Variants in ARHGAP42 observed in about 807,000 individuals in gnomAD.
ARHGAP42 encodes rho GTPase-activating protein 42.
Under a neutral mutation model 125.0 loss-of-function variants are expected in ARHGAP42, and 63 were observed. The observed-to-expected ratio is 0.50, with a 90% CI of 0.41 to 0.62. The LOEUF (loss-of-function observed/expected upper bound fraction) is 0.62, where lower values mean the gene tolerates loss of function less well. Ranked by LOEUF, ARHGAP42 falls within the 20% of genes least tolerant of loss-of-function variation. The pLI is 0.00. For missense variants in ARHGAP42, 766 were observed against 1,024.2 expected (o/e 0.75, Z 3.44); for synonymous variants, 339 against 351.0 (o/e 0.97, Z 0.38).
At chr11:100,936,474 A>C (rs1867741979) in intron 8 of ARHGAP42, 142 bp downstream of exon 8, 3 of 1,181,298 alleles carry the variant, frequency 2.5e-6, no homozygotes, top group Non-Finnish European at 3.5e-6. Flanking sequence ...CCACAACCAA[A>C]GTGAGGACGT....
chr11:100,754,732 C>T (rs532040922), intron 1 of ARHGAP42, among the ~76,000 whole-genome samples: 65 of 152,286 alleles, frequency 4.3e-4, no homozygotes, highest in Non-Finnish European at 7.1e-4. Flanking sequence ...GCAACCCATA[C>T]CCCATTCTAA....
rs577227297 is a variant in ARHGAP42, at chr11:100,866,148, A to G, written c.384+6523A>G. Among the ~76,000 whole-genome samples the G allele has an allele frequency of 1.4e-4, 21 of 152,324 alleles. No homozygotes were observed. In the South Asian group the frequency reaches 4.3e-3, roughly 32 times the overall value. On this transcript the variant is annotated intron_variant, in intron 4 of 23. Coordinates refer to ENST00000298815, the MANE Select transcript of ARHGAP42 (RefSeq NM_152432.4). ...GGAATAGATTCTATCTCAAGAAACT[A>G]GTTTCTTTGCTCATCCGTAAGAAGC...
chr11:100,889,155 T>A (rs79873051), intron 4 of ARHGAP42, among the ~76,000 whole-genome samples: 2 of 152,146 alleles, frequency 1.3e-5, no homozygotes, highest in Non-Finnish European at 2.9e-5. Context: ...AAAGTGATTG[T>A]GCTGGACAAG....
chr11:100,913,345 ACTGT>A, intron 4 of ARHGAP42, 103 bp from the exon 5 acceptor site: 1 of 368,358 alleles, frequency 2.7e-6, no homozygotes, highest in Non-Finnish European at 4.9e-6. Flanking sequence ...GTTGGGACTC[ACTGT>A]CTTTATTAAA....
intron 1 of ARHGAP42, among the ~76,000 whole-genome samples, chr11:100,706,243 C>A (rs1861481264): frequency 6.6e-6 from 1 of 152,044 alleles, no homozygotes; most frequent in African/African-American, 2.4e-5. Flanking sequence ...TGATTACTTC[C>A]CTGTTTCTCT....
At chr11:100,974,923 G>T (rs1041232881) in intron 19 of ARHGAP42, among the ~76,000 whole-genome samples, 2 of 152,244 alleles carry the variant, frequency 1.3e-5, no homozygotes, top group Non-Finnish European at 2.9e-5. Context: ...GCAAGACAAA[G>T]TCTGACTGAA....
At chr11:100,808,392 A>G (rs893625753) in intron 3 of ARHGAP42, among the ~76,000 whole-genome samples, 1 of 131,646 alleles carries the variant, frequency 7.6e-6, no homozygotes, top group Non-Finnish European at 1.6e-5. Context: ...TTATAAATTC[A>G]CTCTTTTTTT....
At chr11:100,855,253 G>A (rs1287830825) in intron 3 of ARHGAP42, among the ~76,000 whole-genome samples, 1 of 152,054 alleles carries the variant, frequency 6.6e-6, no homozygotes, top group Non-Finnish European at 1.5e-5. Flanking sequence ...GTAAGGAATT[G>A]TAATTTTTCT....
At chr11:100,961,614 C>G in intron 14 of ARHGAP42, 70 bp from the exon 15 acceptor site, 1 of 1,358,518 alleles carries the variant, frequency 7.4e-7, no homozygotes. Context: ...ACGTTTGTGC[C>G]CATTTTTCAT....
intron 3 of ARHGAP42, among the ~76,000 whole-genome samples, chr11:100,807,336 C>T (rs1159007160): frequency 6.6e-6 from 1 of 152,000 alleles, no homozygotes; most frequent in Non-Finnish European, 1.5e-5. Flanking sequence ...GCTGAGATTA[C>T]AGGCATGCAT....
chr11:100,767,267 C>T (rs1253360234), intron 1 of ARHGAP42, among the ~76,000 whole-genome samples: 2 of 152,134 alleles, frequency 1.3e-5, no homozygotes, highest in Non-Finnish European at 2.9e-5. Flanking sequence ...CTTACTATAA[C>T]CCTGAGAAGT....
At chr11:100,862,873 A>G in intron 4 of ARHGAP42, among the ~76,000 whole-genome samples, 1 of 151,356 alleles carries the variant, frequency 6.6e-6, no homozygotes, top group East Asian at 1.9e-4. Context: ...ATCCTCTACT[A>G]AAAAAAATAC....
At chr11:100,859,661 C>A (rs1460522663) in intron 4 of ARHGAP42, 36 bp downstream of exon 4, 1 of 1,337,050 alleles carries the variant, frequency 7.5e-7, no homozygotes, top group South Asian at 1.6e-5. Context: ...CAGTTATTCT[C>A]CTGATAATTA....
At position 100,898,960 on chromosome 11, in the gene ARHGAP42, C is replaced by A. The variant is rs940797200; in HGVS notation, c.385-14492C>A. 2.0e-5 allele frequency among the ~76,000 whole-genome samples: 3 copies of A among 152,124 alleles called. No homozygotes were observed. The South Asian group carries it at 6.2e-4, about 32-fold the overall frequency. The stretch of plus-strand genomic sequence containing the variant: ...GGGTGTCGATTTTTGATCTTTCCTG[C>A]TTTGTCTTGTGGGCATTTAGTGCTA... On this transcript the variant is annotated intron_variant, in intron 4 of 23. Coordinates refer to ENST00000298815, the MANE Select transcript of ARHGAP42 (RefSeq NM_152432.4).
At chr11:100,987,721 G>A in intron 23 of ARHGAP42, 129 bp downstream of exon 23, 2 of 836,076 alleles carry the variant, frequency 2.4e-6, no homozygotes, top group South Asian at 1.6e-5. Flanking sequence ...TCTCATAACG[G>A]GCATGCATGA....
chr11:100,934,159 T>A (rs1400981959), intron 7 of ARHGAP42, among the ~76,000 whole-genome samples: 1 of 152,218 alleles, frequency 6.6e-6, no homozygotes, highest in Non-Finnish European at 1.5e-5. Context: ...ATAACAAAGA[T>A]CTCATCTTTC....
chr11:100,741,867 A>G (rs929474781), intron 1 of ARHGAP42, among the ~76,000 whole-genome samples: 27 of 152,180 alleles, frequency 1.8e-4, no homozygotes, highest in African/African-American at 6.0e-4. Context: ...TGTACTAGGG[A>G]CTGCAATGTG....
intron 3 of ARHGAP42, among the ~76,000 whole-genome samples, chr11:100,818,784 G>T (rs1197485106): frequency 6.6e-6 from 1 of 151,988 alleles, no homozygotes; most frequent in African/African-American, 2.4e-5. Context: ...TTGTTTGTTT[G>T]TTTTGTCTAT....
At chr11:100,708,104 C>T (rs1371736315) in intron 1 of ARHGAP42, among the ~76,000 whole-genome samples, 1 of 152,158 alleles carries the variant, frequency 6.6e-6, no homozygotes, top group East Asian at 1.9e-4. Flanking sequence ...CCTTCTTGAG[C>T]CCTGCCTTCC....
Sources: gnomAD v4.1 joint callset for allele counts (sites outside exome capture counted in the v4.1 genomes callset) on GRCh38, gnomAD v4.1.1 for gene constraint, MANE v1.5 for transcripts, NCBI Gene and HGNC (gene_info 2026-07-23, HGNC 2026-07-21) for gene names.